The following TNF variants were observed in gnomAD, a reference collection of about 807,000 sequenced individuals.
The protein encoded by TNF is tumor necrosis factor, also known as APC1 protein.
TNF carries 7 observed loss-of-function variants against 21.8 expected under a neutral mutation model. The observed-to-expected ratio is 0.32, with a 90% CI of 0.18 to 0.60. The LOEUF is 0.60. Ranked by LOEUF, TNF falls within the 20% of genes least tolerant of loss-of-function variation. The probability of loss-of-function intolerance (pLI) is 0.84; values close to 1 mark genes in which losing one functional copy is unlikely to be tolerated. For synonymous variants in TNF, 123 were observed against 130.2 expected (o/e 0.94, Z 0.38); for missense variants, 216 against 296.6 (o/e 0.73, Z 2.00).
chr6:31,576,435 G>C, intron 1 of TNF, 99 bp from the exon 2 acceptor site: 1 of 1,191,780 alleles, frequency 8.4e-7, no homozygotes, highest in Non-Finnish European at 1.2e-6. Flanking sequence ...GAGAAAACCA[G>C]ACACCTCAGG....
rs376368223 is a variant in TNF at position 31,577,455 on chromosome 6, G to A, written c.620G>A (p.Arg207Gln). 8 of 1,613,004 alleles carry A rather than the reference G, an allele frequency of 5.0e-6. No individual in the cohort carries two copies. The African/African-American group carries it at 5.3e-5, about 11-fold the overall frequency. Residue 207 changes from arginine to glutamine, a missense_variant, in exon 4 of 4, where the codon CGA (arginine) becomes CAA (glutamine). By Grantham distance (43) the Arg-to-Gln change is conservative (BLOSUM62 1). Transcript: ENST00000449264. This position sits in a 1 kb window ranked among gnomAD's most constrained non-coding sequence, Gnocchi z 7.7. The part of the protein sequence containing the change: ...GGVFQLEKGD[R>Q]LSAEINRPDY... Reference sequence around the variant, plus strand: ...GTCTTCCAGCTGGAGAAGGGTGACCGACTCAGCGCTGAGATCAATCGGCCC... The same window carrying A: ...GTCTTCCAGCTGGAGAAGGGTGACCAACTCAGCGCTGAGATCAATCGGCCC...
Position 31,577,560 on chromosome 6 carries a change from C to T in TNF, c.*23C>T. 6.2e-7 allele frequency: 1 copy of T among 1,612,910 alleles called. No homozygotes were observed. Among genetic ancestry groups the T allele is most frequent in the East Asian group, 2.2e-5 (1 of 44,882 alleles). ...TGAGGAGGACGAACATCCAACCTTC[C>T]CAAACGCCTCCCCTGCCCCAATCCC... is the stretch of plus-strand genomic sequence containing the variant. On this transcript the variant is annotated 3_prime_UTR_variant, in exon 4 of 4. Coordinates refer to ENST00000449264, the MANE Select transcript of TNF (RefSeq NM_000594.4). This position sits in a 1 kb window ranked among gnomAD's most constrained non-coding sequence, Gnocchi z 7.7.
At position 31,577,645 on chromosome 6, in the gene TNF, G is replaced by A. The variant is rs1446708330; in HGVS notation, c.*108G>A. ...TTCTGGCTCAAAAAGAGAATTGGGG[G>A]CTTAGGGTCGGAACCCAAGCTTAGA... On this transcript the variant is annotated 3_prime_UTR_variant, in exon 4 of 4. Coordinates refer to ENST00000449264, the MANE Select transcript of TNF (RefSeq NM_000594.4). The surrounding 1 kb of genome is among the most constrained non-coding windows in gnomAD (Gnocchi z 7.7). The A allele has an allele frequency of 7.1e-7, 1 of 1,405,498 alleles. No individual in the cohort carries two copies. Among genetic ancestry groups the A allele is most frequent in the East Asian group, 2.4e-5 (1 of 42,326 alleles). 87.1% of individuals were successfully genotyped at this position (1,405,498 alleles called of 1,614,324 possible).
In TNF at chr6:31,576,021, C is replaced by T. The variant is rs956838114; in HGVS notation, c.186+94C>T. On this transcript the variant is annotated intron_variant, in intron 1 of 3. Transcript: ENST00000449264. Reference sequence around the variant, plus strand: ...AGATGGGATGGGTGAAAGATGTGCGCTGATAGGGAGGGATGGAGAGAAAAA... The same window carrying T: ...AGATGGGATGGGTGAAAGATGTGCGTTGATAGGGAGGGATGGAGAGAAAAA... The T allele has an allele frequency of 2.3e-6, 3 of 1,313,060 alleles. No individual in the cohort carries two copies. In the African/African-American group the frequency reaches 4.6e-5, roughly 20 times the overall value. The allele number at this position is 1,313,060 out of a possible 1,614,324, so 81.3% of individuals were successfully genotyped here.
chr6:31,576,001 G>A (rs1230269878), intron 1 of TNF, 74 bp downstream of exon 1: 3 of 1,391,416 alleles, frequency 2.2e-6, no homozygotes, highest in African/African-American at 1.5e-5. Context: ...GAGAGAGATG[G>A]GATGGGTGAA....
rs761134052 is a variant in TNF at position 31,577,080 on chromosome 6, A to G, written c.281-36A>G. 19 of 1,568,792 alleles carry G rather than the reference A, an allele frequency of 1.2e-5. No individual in the cohort carries two copies. In the South Asian group the frequency reaches 2.0e-4, roughly 17 times the overall value. On this transcript the variant is annotated intron_variant, in intron 3 of 3. Coordinates refer to ENST00000449264, the MANE Select transcript of TNF (RefSeq NM_000594.4). The surrounding 1 kb of genome is among the most constrained non-coding windows in gnomAD (Gnocchi z 7.7). ...ATGTGGAGAGTGAACCGACATGGCC[A>G]CACTGACTCTCCTCTCCCTCTCTCC... is the stretch of plus-strand genomic sequence containing the variant.
chr6:31,577,377 C>G lies in TNF; in HGVS notation c.542C>G (p.Thr181Ser). ...ATCAAGAGCCCCTGCCAGAGGGAGA[C>G]CCCAGAGGGGGCTGAGGCCAAGCCC... Reference protein sequence around the residue: ...SAIKSPCQRETPEGAEAKPWY... With the variant: ...SAIKSPCQRESPEGAEAKPWY... The change falls in exon 4 of 4, where the codon ACC (threonine) becomes AGC (serine). Residue 181 changes from threonine to serine, a missense_variant. Physicochemically the swap from Thr to Ser is moderately conservative, Grantham distance 58 (BLOSUM62 1). Transcript: ENST00000449264. This position sits in a 1 kb window ranked among gnomAD's most constrained non-coding sequence, Gnocchi z 7.7. 1 of 1,613,180 alleles carries G rather than the reference C, an allele frequency of 6.2e-7. No individual in the cohort carries two copies. The highest frequency in any genetic ancestry group is 8.5e-7 in the Non-Finnish European group (1 of 1,180,044).
chr6:31,576,967 C>T, intron 3 of TNF, 149 bp from the exon 4 acceptor site: 1 of 1,349,388 alleles, frequency 7.4e-7, no homozygotes, highest in Non-Finnish European at 1.0e-6. Context: ...TAGTGGGATA[C>T]TCAGAACGTC....
In TNF at chr6:31,578,106, T is replaced by C. The variant is rs943303074; in HGVS notation, c.*569T>C. On this transcript the variant is annotated 3_prime_UTR_variant, in exon 4 of 4. Transcript: ENST00000449264. The surrounding 1 kb of genome is among the most constrained non-coding windows in gnomAD (Gnocchi z 6.0). ...TGTAGGAGCTGCCTTGGCTCAGACA[T>C]GTTTTCCGTGAAAACGGAGCTGAAC... 1 of 152,334 alleles carries C rather than the reference T, an allele frequency of 6.6e-6. No individual in the cohort carries two copies. The highest frequency in any genetic ancestry group is 1.5e-5 in the Non-Finnish European group (1 of 68,112). 9.4% of individuals were successfully genotyped at this position (152,334 alleles called of 1,614,324 possible).
chr6:31,577,857 A>G lies in TNF; in HGVS notation c.*320A>G. On this transcript the variant is annotated 3_prime_UTR_variant, in exon 4 of 4. Transcript: ENST00000449264. This position sits in a 1 kb window ranked among gnomAD's most constrained non-coding sequence, Gnocchi z 7.7. Reference sequence around the variant, plus strand: ...CCTTTGGTTCTGGCCAGAATGCTGCAGGACTTGAGAAGACCTCACCTAGAA... The same window carrying G: ...CCTTTGGTTCTGGCCAGAATGCTGCGGGACTTGAGAAGACCTCACCTAGAA... 1 of 490,056 alleles carries G rather than the reference A, an allele frequency of 2.0e-6. No homozygotes were observed. Among genetic ancestry groups the G allele is most frequent in the South Asian group, 2.4e-5 (1 of 41,960 alleles). 30.4% of individuals were successfully genotyped at this position (490,056 alleles called of 1,614,324 possible).
Position 31,575,669 on chromosome 6 carries a change from A to C in TNF, c.-73A>C. 1 of 1,391,888 alleles carries C rather than the reference A, an allele frequency of 7.2e-7. No individual in the cohort carries two copies. The highest frequency in any genetic ancestry group is 9.6e-7 in the Non-Finnish European group (1 of 1,044,738). The allele number at this position is 1,391,888 out of a possible 1,614,324, so 86.2% of individuals were successfully genotyped here. On this transcript the variant is annotated 5_prime_UTR_variant, in exon 1 of 4. Coordinates refer to ENST00000449264, the MANE Select transcript of TNF (RefSeq NM_000594.4). This position sits in a 1 kb window ranked among gnomAD's most constrained non-coding sequence, Gnocchi z 6.2. ...CCCTCAGACGCCACATCCCCTGACAAGCTGCCAGGCAGGTTCTCTTCCTCT... is the reference window on the plus strand; with the variant it reads ...CCCTCAGACGCCACATCCCCTGACACGCTGCCAGGCAGGTTCTCTTCCTCT...
Position 31,575,673 on chromosome 6 carries a change from G to C in TNF, c.-69G>C. 7.1e-7 allele frequency: 1 copy of C among 1,417,678 alleles called. No individual in the cohort carries two copies. Among genetic ancestry groups the C allele is most frequent in the Non-Finnish European group, 9.4e-7 (1 of 1,067,594 alleles). The allele number at this position is 1,417,678 out of a possible 1,614,324, so 87.8% of individuals were successfully genotyped here. Reference sequence around the variant, plus strand: ...CAGACGCCACATCCCCTGACAAGCTGCCAGGCAGGTTCTCTTCCTCTCACA... The same window carrying C: ...CAGACGCCACATCCCCTGACAAGCTCCCAGGCAGGTTCTCTTCCTCTCACA... On this transcript the variant is annotated 5_prime_UTR_variant, in exon 1 of 4. Coordinates refer to ENST00000449264, the MANE Select transcript of TNF (RefSeq NM_000594.4). This position sits in a 1 kb window ranked among gnomAD's most constrained non-coding sequence, Gnocchi z 6.2.
Position 31,577,784 on chromosome 6 carries a change from G to A in TNF, c.*247G>A. On this transcript the variant is annotated 3_prime_UTR_variant, in exon 4 of 4. Transcript: ENST00000449264. The surrounding 1 kb of genome is among the most constrained non-coding windows in gnomAD (Gnocchi z 7.7). ...AAACTGGGGCCTCCAGAACTCACTG[G>A]GGCCTACAGCTTTGATCCCTGACAT... The A allele has an allele frequency of 1.7e-6, 1 of 599,782 alleles. No individual in the cohort carries two copies. The highest frequency in any genetic ancestry group is 2.0e-5 in the South Asian group (1 of 50,382). 37.2% of individuals were successfully genotyped at this position (599,782 alleles called of 1,614,324 possible). A position where few individuals can be genotyped will look rare whatever the true frequency, so the allele number is the denominator to read the frequency against.
At position 31,577,720 on chromosome 6, in the gene TNF, T is replaced by C. The variant is rs1379447468; in HGVS notation, c.*183T>C. On this transcript the variant is annotated 3_prime_UTR_variant, in exon 4 of 4. Coordinates refer to ENST00000449264, the MANE Select transcript of TNF (RefSeq NM_000594.4). The surrounding 1 kb of genome is among the most constrained non-coding windows in gnomAD (Gnocchi z 7.7). ...TCGAAACCTGGGATTCAGGAATGTG[T>C]GGCCTGCACAGTGAAGTGCTGGCAA... is the stretch of plus-strand genomic sequence containing the variant. 2 of 771,446 alleles carry C rather than the reference T, an allele frequency of 2.6e-6. No homozygotes were observed. Among genetic ancestry groups the C allele is most frequent in the Non-Finnish European group, 4.4e-6 (2 of 456,952 alleles). The allele number at this position is 771,446 out of a possible 1,614,324, so 47.8% of individuals were successfully genotyped here.
rs1771201159 is a variant in TNF at position 31,576,767 on chromosome 6, G to A, written c.233G>A (p.Arg78Lys). The change falls in exon 3 of 4, where the codon AGA becomes AAA. Residue 78 changes from arginine (R) to lysine (K), a missense_variant and splice_region_variant. Physicochemically the swap from Arg to Lys is conservative, Grantham distance 26. Transcript: ENST00000449264. Reference protein sequence around the residue: ...SLISPLAQAVRSSSRTPSDKP... With the variant: ...SLISPLAQAVKSSSRTPSDKP... ...TTTTTCTTTTCTCTCTCCTCTTCAG[G>A]ATCATCTTCTCGAACCCCGAGTGAC... 1 of 1,613,014 alleles carries A rather than the reference G, an allele frequency of 6.2e-7. No individual in the cohort carries two copies. The highest frequency in any genetic ancestry group is 8.5e-7 in the Non-Finnish European group (1 of 1,180,008).
chr6:31,577,203 A>T lies in TNF; in HGVS notation c.368A>T (p.Gln123Leu). Reference protein sequence around the residue: ...LANGVELRDNQLVVPSEGLYL... With the variant: ...LANGVELRDNLLVVPSEGLYL... ...AATGGCGTGGAGCTGAGAGATAACC[A>T]GCTGGTGGTGCCATCAGAGGGCCTG... The change falls in exon 4 of 4, where the codon CAG (glutamine) becomes CTG (leucine). Residue 123 changes from glutamine (Q) to leucine (L), a missense_variant. Physicochemically the swap from Gln to Leu is moderately radical, Grantham distance 113 (BLOSUM62 -2). Coordinates refer to ENST00000449264, the MANE Select transcript of TNF (RefSeq NM_000594.4). The surrounding 1 kb of genome is among the most constrained non-coding windows in gnomAD (Gnocchi z 7.7). 6.2e-7 allele frequency: 1 copy of T among 1,613,068 alleles called. No homozygotes were observed. Among genetic ancestry groups the T allele is most frequent in the Non-Finnish European group, 8.5e-7 (1 of 1,180,002 alleles).
chr6:31,577,806 A>G lies in TNF; in HGVS notation c.*269A>G, dbSNP rs1771263871. ...CTGGGGCCTACAGCTTTGATCCCTG[A>G]CATCTGGAATCTGGAGACCAGGGAG... On this transcript the variant is annotated 3_prime_UTR_variant, in exon 4 of 4. Coordinates refer to ENST00000449264, the MANE Select transcript of TNF (RefSeq NM_000594.4). The surrounding 1 kb of genome is among the most constrained non-coding windows in gnomAD (Gnocchi z 7.7). 5.2e-6 allele frequency: 3 copies of G among 573,336 alleles called. No individual in the cohort carries two copies. Among genetic ancestry groups the G allele is most frequent in the Non-Finnish European group, 9.4e-6 (3 of 319,550 alleles). The allele number at this position is 573,336 out of a possible 1,614,324, so 35.5% of individuals were successfully genotyped here.
chr6:31,577,303 C>CTG lies in TNF; in HGVS notation c.468_469insTG (p.Ser157Ter). ...CCCATGTGCTCCTCACCCACACCAT[C>CTG]AGCCGCATCGCCGTCTCCTACCAGA... On this transcript the variant is annotated frameshift_variant, in exon 4 of 4. Transcript: ENST00000449264. LOFTEE classifies it high-confidence loss of function. This position sits in a 1 kb window ranked among gnomAD's most constrained non-coding sequence, Gnocchi z 7.7. 1 of 1,613,218 alleles carries CTG rather than the reference C, an allele frequency of 6.2e-7. No homozygotes were observed.
rs953747858 is a variant in TNF at position 31,575,751 on chromosome 6, G to C, written c.10G>C (p.Glu4Gln). 1 of 1,593,516 alleles carries C rather than the reference G, an allele frequency of 6.3e-7. No homozygotes were observed. The highest frequency in any genetic ancestry group is 2.3e-5 in the East Asian group (1 of 44,010). The change falls in exon 1 of 4, where the codon GAA (glutamate) becomes CAA (glutamine). Residue 4 changes from glutamate (E) to glutamine (Q), a missense_variant. Glu to Gln is a conservative substitution (Grantham distance 29). This residue lies in a region of TNF where 118 missense variants were observed against 127.1 expected (regional missense o/e 0.93). Coordinates refer to ENST00000449264, the MANE Select transcript of TNF (RefSeq NM_000594.4). The surrounding 1 kb of genome is among the most constrained non-coding windows in gnomAD (Gnocchi z 6.2). MST[E>Q]SMIRDVELAE... ...CCCTGGAAAGGACACCATGAGCACT[G>C]AAAGCATGATCCGGGACGTGGAGCT...
Sources: allele counts gnomAD v4.1 joint callset, GRCh38; gene constraint gnomAD v4.1.1; regional missense constraint gnomAD v4.1.1; non-coding constraint Gnocchi (gnomAD v3.1); transcripts MANE v1.5; gene names NCBI Gene and HGNC (gene_info 2026-07-23, HGNC 2026-07-21).